The following UBE2Q2 variants were observed in gnomAD, a reference collection of about 807,000 sequenced individuals.
UBE2Q2 encodes ubiquitin conjugating enzyme E2 Q2, also known as ubiquitin-conjugating enzyme E2 Q2.
A neutral mutation model predicts 59.9 loss-of-function variants in UBE2Q2; 54 were observed. That is an observed-to-expected ratio of 0.90 (90% CI 0.72 to 1.13). The LOEUF is 1.13. Ranked by LOEUF, UBE2Q2 falls within the 50% of genes most tolerant of loss-of-function variation. The probability of loss-of-function intolerance (pLI) is 0.00; values close to 1 mark genes in which losing one functional copy is unlikely to be tolerated. For synonymous variants in UBE2Q2, 165 were observed against 155.2 expected, an observed-to-expected ratio of 1.06 and a Z score of -0.47; for missense variants, 433 against 441.9, an observed-to-expected ratio of 0.98 and a Z score of 0.18.
At position 75,877,750 on chromosome 15, in the gene UBE2Q2, A is replaced by G. The variant is rs11630938; in HGVS notation, c.674-211A>G. 5.5e-3 allele frequency among the ~76,000 whole-genome samples: 834 copies of G among 152,274 alleles called. 7 individuals are homozygous for G. Among genetic ancestry groups the G allele is most frequent in the South Asian group, 0.014 (67 of 4,828 alleles). Reference sequence around the variant, plus strand: ...ACGGTAAGCAGTTTTTCAACTCATTAAAGAATCTTCTCAGTTGATGGCTGT... The same window carrying G: ...ACGGTAAGCAGTTTTTCAACTCATTGAAGAATCTTCTCAGTTGATGGCTGT... On this transcript the variant is annotated intron_variant, in intron 6 of 12. Transcript: ENST00000267938.
chr15:75,876,144 T>C (rs1037947965), intron 5 of UBE2Q2, 43 bp from the exon 6 acceptor site: 30 of 1,579,934 alleles, frequency 1.9e-5, no homozygotes, highest in Non-Finnish European at 2.5e-5. Context: ...ATCTTAAATC[T>C]TAGCTCAGCA....
chr15:75,855,468 G>A (rs962693869), intron 2 of UBE2Q2, among the ~76,000 whole-genome samples: 1 of 149,864 alleles, frequency 6.7e-6, no homozygotes, highest in African/African-American at 2.5e-5. Flanking sequence ...TCCAGCCTGG[G>A]TAACAGAGTG....
rs914897591 is a variant in UBE2Q2, at chr15:75,844,046, G to A, written c.180+200G>A. 4.3e-6 allele frequency: 6 copies of A among 1,408,314 alleles called. No homozygotes were observed. The Admixed American group carries it at 1.9e-4, about 44-fold the overall frequency. The allele number at this position is 1,408,314 out of a possible 1,614,324, so 87.2% of individuals were successfully genotyped here. On this transcript the variant is annotated intron_variant, in intron 1 of 12. Transcript: ENST00000267938. ...TTGGGTGGGAGGAGGCGGAGGGCGC[G>A]TCTTTCCGGCTTCTCGCCAGGGGCT...
intron 5 of UBE2Q2, among the ~76,000 whole-genome samples, chr15:75,874,004 T>C (rs1272371322): frequency 1.3e-5 from 2 of 152,158 alleles, no homozygotes; most frequent in African/African-American, 4.8e-5. Context: ...CTTAGTCATA[T>C]GTTTTGTTGC....
At chr15:75,858,594 G>A (rs1897046196) in intron 2 of UBE2Q2, among the ~76,000 whole-genome samples, 1 of 152,116 alleles carries the variant, frequency 6.6e-6, no homozygotes, top group Non-Finnish European at 1.5e-5. Context: ...GGTGTGTGGG[G>A]GAAGGGAGGA....
intron 2 of UBE2Q2, among the ~76,000 whole-genome samples, chr15:75,857,754 A>T (rs191160831): frequency 7.3e-6 from 1 of 137,750 alleles, no homozygotes; most frequent in East Asian, 2.0e-4. Context: ...ATTCTGTTGT[A>T]GGCAAAAAAA....
intron 3 of UBE2Q2, among the ~76,000 whole-genome samples, chr15:75,867,060 CACTCTTTTCT>C (rs1211905433): frequency 1.3e-5 from 2 of 152,144 alleles, no homozygotes; most frequent in Non-Finnish European, 2.9e-5. Flanking sequence ...TCAGAATTGT[CACTCTTTTCT>C]ACTGTGGCCT....
At chr15:75,847,068 T>G (rs942399541) in intron 1 of UBE2Q2, among the ~76,000 whole-genome samples, 2 of 152,212 alleles carry the variant, frequency 1.3e-5, no homozygotes, top group Non-Finnish European at 2.9e-5. Flanking sequence ...TATTTTTGCT[T>G]TGGTCATGTT....
chr15:75,859,185 A>G (rs1897084232), intron 2 of UBE2Q2, among the ~76,000 whole-genome samples: 1 of 152,258 alleles, frequency 6.6e-6, no homozygotes, highest in Non-Finnish European at 1.5e-5. Context: ...GGACTTAAAC[A>G]TGGAAATTTA....
At chr15:75,844,854 G>T (rs547688992) in intron 1 of UBE2Q2, among the ~76,000 whole-genome samples, 33 of 152,250 alleles carry the variant, frequency 2.2e-4, no homozygotes, top group Admixed American at 5.9e-4. Context: ...CCCTTTGGTT[G>T]AGTCAGTGGG....
intron 11 of UBE2Q2, among the ~76,000 whole-genome samples, chr15:75,892,705 C>T (rs1310718416): frequency 2.0e-5 from 3 of 151,604 alleles, no homozygotes; most frequent in East Asian, 2.1e-4. Flanking sequence ...ACAAAAAATA[C>T]GCCCCCCACC....
In UBE2Q2 at chr15:75,900,845, C is replaced by T. The variant is rs1217618662; in HGVS notation, c.*1387C>T. On this transcript the variant is annotated 3_prime_UTR_variant, in exon 13 of 13. Coordinates refer to ENST00000267938, the MANE Select transcript of UBE2Q2 (RefSeq NM_173469.4). ...AGTGACAAGGCAGAATTCTTTAAAT[C>T]AGTAAAGTTCCTTAAGCCTAAGGCT... 1.3e-5 allele frequency: 2 copies of T among 152,636 alleles called. No individual in the cohort carries two copies. Among genetic ancestry groups the T allele is most frequent in the Admixed American group, 6.5e-5 (1 of 15,274 alleles). 9.5% of individuals were successfully genotyped at this position (152,636 alleles called of 1,614,324 possible).
At chr15:75,897,732 G>A (rs761508526) in intron 12 of UBE2Q2, among the ~76,000 whole-genome samples, 19 of 151,574 alleles carry the variant, frequency 1.3e-4, no homozygotes, top group Admixed American at 3.3e-4. Context: ...GTTTACAGGC[G>A]TGATCATAGT....
chr15:75,873,464 G>T lies in UBE2Q2; in HGVS notation c.484G>T (p.Glu162Ter), dbSNP rs765602638. The T allele has an allele frequency of 6.2e-7, 1 of 1,613,232 alleles. No individual in the cohort carries two copies. The highest frequency in any genetic ancestry group is 8.5e-7 in the Non-Finnish European group (1 of 1,179,834). Residue 162 changes from glutamate (E) to a stop codon, truncating the protein, a stop_gained, in exon 5 of 13, where the codon GAA becomes TAA. Coordinates refer to ENST00000267938, the MANE Select transcript of UBE2Q2 (RefSeq NM_173469.4). LOFTEE classifies it high-confidence loss of function. ...EDLDHYEMKE[E>*]EPISGKKSED... ...CTTAGATCACTATGAGATGAAGGAA[G>T]AAGAGCCTATTAGTGGGAAAAAGTC...
At position 75,879,139 on chromosome 15, in the gene UBE2Q2, TAAAAG is replaced by T. The variant is rs754254609; in HGVS notation, c.781_785del (p.Glu261ArgfsTer9). 10 of 1,602,242 alleles carry T rather than the reference TAAAAG, an allele frequency of 6.2e-6. No individual in the cohort carries two copies. The highest frequency in any genetic ancestry group is 5.2e-5 in the Admixed American group (3 of 58,174). ...CCTTTGCACAGTGATCTTCAGATCT[TAAAAG>T]AAAAAGAAGGCATAGAATATATTTT... On this transcript the variant is annotated frameshift_variant, in exon 8 of 13. Coordinates refer to ENST00000267938, the MANE Select transcript of UBE2Q2 (RefSeq NM_173469.4). LOFTEE classifies it high-confidence loss of function.
intron 2 of UBE2Q2, among the ~76,000 whole-genome samples, chr15:75,858,707 G>A (rs1424617177): frequency 2.0e-5 from 3 of 152,154 alleles, no homozygotes; most frequent in Non-Finnish European, 2.9e-5. Flanking sequence ...AGCCCCTTCC[G>A]TGCCAGAGGC....
intron 9 of UBE2Q2, among the ~76,000 whole-genome samples, chr15:75,884,740 A>G (rs923759224): frequency 7.9e-5 from 12 of 152,116 alleles, no homozygotes; most frequent in African/African-American, 2.9e-4. Flanking sequence ...GCTCACTGCA[A>G]TCTCTGCCTC....
intron 8 of UBE2Q2, among the ~76,000 whole-genome samples, 184 bp downstream of exon 8, chr15:75,879,372 G>A (rs1364277081): frequency 6.6e-6 from 1 of 152,150 alleles, no homozygotes; most frequent in Non-Finnish European, 1.5e-5. Context: ...AATGTTCAGA[G>A]CAGCATCGTT....
chr15:75,851,429 G>A (rs1167446768), intron 1 of UBE2Q2, among the ~76,000 whole-genome samples: 3 of 151,850 alleles, frequency 2.0e-5, no homozygotes, highest in Non-Finnish European at 2.9e-5. Context: ...TCTTCTAAAT[G>A]TTGATACATT....
Sources: allele counts gnomAD v4.1 joint callset (sites outside exome capture counted in the v4.1 genomes callset), GRCh38; gene constraint gnomAD v4.1.1; transcripts MANE v1.5; gene names NCBI Gene and HGNC (gene_info 2026-07-23, HGNC 2026-07-21).